Variants in KCNQ1 observed in about 807,000 individuals in gnomAD.
KCNQ1 encodes potassium voltage-gated channel subfamily KQT member 1.
Under a neutral mutation model 72.4 loss-of-function variants are expected in KCNQ1, and 49 were observed. The observed-to-expected ratio is 0.68, with a 90% CI of 0.54 to 0.86. The LOEUF is 0.86. Among genes scored for constraint, KCNQ1 ranks in the 40% least tolerant of loss-of-function variants. The pLI, the probability that KCNQ1 is intolerant of heterozygous loss-of-function variation, is 0.00. For missense variants in KCNQ1, 790 were observed against 945.1 expected, an observed-to-expected ratio of 0.84 and a Z score of 2.15; for synonymous variants, 450 against 412.6, an observed-to-expected ratio of 1.09 and a Z score of -1.10.
chr11:2,797,268 G>T (rs544786776), intron 15 of KCNQ1, among the ~76,000 whole-genome samples: 3 of 152,194 alleles, frequency 2.0e-5, no homozygotes, highest in Non-Finnish European at 4.4e-5. Flanking sequence ...CAGCTCCCCA[G>T]AGACAGCCAG....
At chr11:2,580,770 C>T (rs1207253482) in intron 6 of KCNQ1, among the ~76,000 whole-genome samples, 1 of 152,250 alleles carries the variant, frequency 6.6e-6, no homozygotes, top group Non-Finnish European at 1.5e-5. Context: ...CACACCCCAC[C>T]ACCCCTGCTT....
chr11:2,538,600 G>A lies in KCNQ1; in HGVS notation c.477+10582G>A, dbSNP rs1303804518. 6.6e-6 allele frequency among the ~76,000 whole-genome samples: 1 copy of A among 152,018 alleles called. No individual in the cohort carries two copies. The highest frequency in any genetic ancestry group is 1.5e-5 in the Non-Finnish European group (1 of 68,004). ...GGAGAGTCGTGAAAGTGGGAATCCT[G>A]GGCTGGAACCGGAACGTTCCCCGAG... On this transcript the variant is annotated intron_variant, in intron 2 of 15. Transcript: ENST00000155840. The surrounding 1 kb of genome is among the most constrained non-coding windows in gnomAD (Gnocchi z 6.7).
At position 2,595,343 on chromosome 11, in the gene KCNQ1, A is replaced by G. The variant is rs1564828449; in HGVS notation, c.1393+6489A>G. Among the ~76,000 whole-genome samples the G allele has an allele frequency of 6.6e-6, 1 of 152,184 alleles. No individual in the cohort carries two copies. The highest frequency in any genetic ancestry group is 1.5e-5 in the Non-Finnish European group (1 of 68,034). The stretch of plus-strand genomic sequence containing the variant: ...CATTCATATATTCTTGCAGCAAATA[A>G]CCAGAAATTGAGATTTTTAAAATAC... On this transcript the variant is annotated intron_variant, in intron 10 of 15. Transcript: ENST00000155840. This position sits in a 1 kb window ranked among gnomAD's most constrained non-coding sequence, Gnocchi z 5.0.
Position 2,611,446 on chromosome 11 carries a change from G to A in KCNQ1, c.1393+22592G>A, listed in dbSNP as rs1014074080. The A allele has an allele frequency of 1.5e-5, 6 of 397,450 alleles. No homozygotes were observed. The highest frequency in any genetic ancestry group is 3.6e-5 in the East Asian group (1 of 28,070). The allele number at this position is 397,450 out of a possible 1,614,324, so 24.6% of individuals were successfully genotyped here. Reference sequence around the variant, plus strand: ...AGGCTGGTCTTGAACTCCTGACCTCGAGTGATCTGTCTGCCTCAGCCTCCC... The same window carrying A: ...AGGCTGGTCTTGAACTCCTGACCTCAAGTGATCTGTCTGCCTCAGCCTCCC... On this transcript the variant is annotated intron_variant, in intron 10 of 15. Transcript: ENST00000155840. The surrounding 1 kb of genome is among the most constrained non-coding windows in gnomAD (Gnocchi z 5.3).
intron 10 of KCNQ1, among the ~76,000 whole-genome samples, chr11:2,607,356 AT>A (rs1279130540): frequency 6.6e-6 from 1 of 152,086 alleles, no homozygotes; most frequent in African/African-American, 2.4e-5. Context: ...ATTAATTGCT[AT>A]AGACTGAATG....
intron 10 of KCNQ1, chr11:2,656,902 T>G (rs1849860550): frequency 2.5e-6 from 1 of 398,644 alleles, no homozygotes; most frequent in South Asian, 1.3e-4. Context: ...TGGTATATGA[T>G]GTGAGGTAAT....
rs1213775953 is a variant in KCNQ1, at chr11:2,787,780, T to G, written c.1794+9743T>G. 6.6e-6 allele frequency among the ~76,000 whole-genome samples: 1 copy of G among 152,210 alleles called. No individual in the cohort carries two copies. The highest frequency in any genetic ancestry group is 6.5e-5 in the Admixed American group (1 of 15,284). On this transcript the variant is annotated intron_variant, in intron 15 of 15. Transcript: ENST00000155840. The surrounding 1 kb of genome is among the most constrained non-coding windows in gnomAD (Gnocchi z 6.3). Reference sequence around the variant, plus strand: ...GGTCTGTATTTAGATTTCATAAAATTTACCATTGAAAAAGGAGATTCCCAT... The same window carrying G: ...GGTCTGTATTTAGATTTCATAAAATGTACCATTGAAAAAGGAGATTCCCAT...
intron 12 of KCNQ1, among the ~76,000 whole-genome samples, chr11:2,774,233 C>T (rs1846652769): frequency 6.6e-6 from 1 of 152,244 alleles, no homozygotes; most frequent in South Asian, 2.1e-4. Flanking sequence ...TATTACTAGC[C>T]TGTACATAAG....
intron 1 of KCNQ1, among the ~76,000 whole-genome samples, chr11:2,487,748 T>G (rs1426647632): frequency 6.6e-6 from 1 of 152,236 alleles, no homozygotes; most frequent in Non-Finnish European, 1.5e-5. Context: ...ATTTATTAGC[T>G]CTAATAAGTT....
intron 10 of KCNQ1, chr11:2,640,878 C>T (rs112403204): frequency 5.0e-6 from 2 of 399,658 alleles, no homozygotes; most frequent in African/African-American, 4.1e-5. Flanking sequence ...CTCTCTACCT[C>T]CATGAGATCA....
At chr11:2,609,364 T>C (rs4930137) in intron 10 of KCNQ1, 107,520 of 398,250 alleles carry the variant, frequency 0.27, 19,263 homozygotes, top group African/African-American at 0.65. Context: ...TACTTTTATT[T>C]CATTATATTC....
Position 2,661,214 on chromosome 11 carries a change from C to G in KCNQ1, c.1394-747C>G, listed in dbSNP as rs899547336. On this transcript the variant is annotated intron_variant, in intron 10 of 15. Coordinates refer to ENST00000155840, the MANE Select transcript of KCNQ1 (RefSeq NM_000218.3). This position sits in a 1 kb window ranked among gnomAD's most constrained non-coding sequence, Gnocchi z 5.9. ...CATTGTGAATCTTTGAATTATTCCA[C>G]TTCTCACAGATGAGTACTTAATCCT... The G allele has an allele frequency of 2.5e-6, 1 of 398,666 alleles. No individual in the cohort carries two copies. Among genetic ancestry groups the G allele is most frequent in the Non-Finnish European group, 4.4e-6 (1 of 226,130 alleles). The allele number at this position is 398,666 out of a possible 1,614,324, so 24.7% of individuals were successfully genotyped here. A position where few individuals can be genotyped will look rare whatever the true frequency, so the allele number is the denominator to read the frequency against.
intron 1 of KCNQ1, among the ~76,000 whole-genome samples, chr11:2,487,730 C>T (rs1232499444): frequency 1.3e-5 from 2 of 152,146 alleles, no homozygotes; most frequent in African/African-American, 4.8e-5. Context: ...TGTAACTTTG[C>T]TGACTTCATT....
intron 2 of KCNQ1, among the ~76,000 whole-genome samples, chr11:2,535,190 A>G (rs770539872): frequency 2.6e-5 from 4 of 152,196 alleles, no homozygotes; most frequent in Non-Finnish European, 4.4e-5. Context: ...TTCAGGGTGA[A>G]AGGACGCTAG....
At chr11:2,790,410 G>A (rs1177039897) in intron 15 of KCNQ1, among the ~76,000 whole-genome samples, 3 of 152,160 alleles carry the variant, frequency 2.0e-5, no homozygotes, top group African/African-American at 7.2e-5. Context: ...TGTCACTCTT[G>A]GTTACCCATG....
chr11:2,656,003 C>G (rs767394530), intron 10 of KCNQ1: 1 of 398,630 alleles, frequency 2.5e-6, no homozygotes, highest in Non-Finnish European at 4.4e-6. Flanking sequence ...ATTTTAATTT[C>G]CTAAAACACC....
rs1010894636 is a variant in KCNQ1 at position 2,549,680 on chromosome 11, G to T, written c.478-20948G>T. Reference sequence around the variant, plus strand: ...CAAGCACCTGGGGTGGGAACAAGAGGCGTTTTGTGTTCTGCATGGGTGGCC... The same window carrying T: ...CAAGCACCTGGGGTGGGAACAAGAGTCGTTTTGTGTTCTGCATGGGTGGCC... On this transcript the variant is annotated intron_variant, in intron 2 of 15. Coordinates refer to ENST00000155840, the MANE Select transcript of KCNQ1 (RefSeq NM_000218.3). This position sits in a 1 kb window ranked among gnomAD's most constrained non-coding sequence, Gnocchi z 6.2. Among the ~76,000 whole-genome samples, 34 of 152,220 alleles carry T rather than the reference G, an allele frequency of 2.2e-4. No individual in the cohort carries two copies. Among genetic ancestry groups the T allele is most frequent in the African/African-American group, 7.5e-4 (31 of 41,540 alleles).
chr11:2,777,795 G>A (rs907666229), intron 14 of KCNQ1, 181 bp from the exon 15 acceptor site: 17 of 643,148 alleles, frequency 2.6e-5, no homozygotes, highest in South Asian at 3.5e-5. Flanking sequence ...AGCCATGCCC[G>A]GCCACCGTAC....
In KCNQ1 at chr11:2,475,836, C is replaced by T. The variant is rs1249563106; in HGVS notation, c.386+30352C>T. Among the ~76,000 whole-genome samples, 2 of 152,186 alleles carry T rather than the reference C, an allele frequency of 1.3e-5. No homozygotes were observed. ...GCTACACAAGCTCTCTCATGTTTTGCCTGCCACCATCCACGTAAGATGGGA... is the reference window on the plus strand; with the variant it reads ...GCTACACAAGCTCTCTCATGTTTTGTCTGCCACCATCCACGTAAGATGGGA... On this transcript the variant is annotated intron_variant, in intron 1 of 15. Transcript: ENST00000155840. This position sits in a 1 kb window ranked among gnomAD's most constrained non-coding sequence, Gnocchi z 5.8.
Sources: allele counts gnomAD v4.1 joint callset (sites outside exome capture counted in the v4.1 genomes callset), GRCh38; gene constraint gnomAD v4.1.1; non-coding constraint Gnocchi (gnomAD v3.1); transcripts MANE v1.5; gene names NCBI Gene and HGNC (gene_info 2026-07-23, HGNC 2026-07-21).